LIMS1: variants seen among roughly 807,000 people sequenced by gnomAD.
LIMS1 encodes the protein LIM zinc finger domain containing 1.
Under a neutral mutation model 44.1 loss-of-function variants are expected in LIMS1, and 18 were observed. That is an observed-to-expected ratio of 0.41 (90% CI 0.28 to 0.61). The LOEUF is 0.61. LIMS1 is among the 20% of genes least tolerant of loss of function. The pLI is 0.32. For missense variants in LIMS1, 201 were observed against 422.0 expected (o/e 0.48, Z 4.59); for synonymous variants, 93 against 149.1 (o/e 0.62, Z 2.74).
intron 2 of LIMS1, among the ~76,000 whole-genome samples, chr2:108,664,987 T>G (rs1295372018): frequency 6.6e-6 from 1 of 152,212 alleles, no homozygotes; most frequent in African/African-American, 2.4e-5. Flanking sequence ...CTTACTATCA[T>G]TAATTGCTCC....
intron 1 of LIMS1, among the ~76,000 whole-genome samples, chr2:108,540,938 G>A (rs905793735): frequency 6.6e-6 from 1 of 152,184 alleles, no homozygotes; most frequent in East Asian, 1.9e-4. Flanking sequence ...CTACAGTATA[G>A]AGTAAATACC....
At chr2:108,628,083 G>A (rs1216803612) in intron 1 of LIMS1, among the ~76,000 whole-genome samples, 1 of 152,238 alleles carries the variant, frequency 6.6e-6, no homozygotes, top group Non-Finnish European at 1.5e-5. Flanking sequence ...CTGCAGTGCT[G>A]AGTGTTCTTG....
At chr2:108,570,455 T>C (rs1685445398) in intron 1 of LIMS1, among the ~76,000 whole-genome samples, 1 of 152,058 alleles carries the variant, frequency 6.6e-6, no homozygotes, top group Admixed American at 6.6e-5. Flanking sequence ...TACTATATTC[T>C]CTTTGGCTAT....
intron 1 of LIMS1, among the ~76,000 whole-genome samples, chr2:108,536,553 A>G (rs1000852075): frequency 1.3e-5 from 2 of 152,216 alleles, no homozygotes; most frequent in African/African-American, 4.8e-5. Context: ...CTATTAAGAA[A>G]GCTACTACGA....
At chr2:108,625,235 T>TA (rs1328136610) in intron 1 of LIMS1, among the ~76,000 whole-genome samples, 9 of 152,308 alleles carry the variant, frequency 5.9e-5, no homozygotes, top group African/African-American at 2.2e-4. Flanking sequence ...ACATGTGAAA[T>TA]ATATGAAATT....
At chr2:108,588,420 T>A in intron 1 of LIMS1, 2 of 985,396 alleles carry the variant, frequency 2.0e-6, no homozygotes, top group East Asian at 1.1e-4. Flanking sequence ...TCCCAAGCCC[T>A]GATAAGTAAG....
intron 1 of LIMS1, among the ~76,000 whole-genome samples, chr2:108,561,093 C>G (rs1185217686): frequency 6.6e-6 from 1 of 152,204 alleles, no homozygotes; most frequent in Non-Finnish European, 1.5e-5. Flanking sequence ...AGTGCAAACA[C>G]CAGTACAGAC....
chr2:108,536,268 A>T lies in LIMS1; in HGVS notation c.32+1674A>T, dbSNP rs367802573. 6.1e-3 allele frequency among the ~76,000 whole-genome samples: 930 copies of T among 152,304 alleles called. 8 individuals carry two copies. The highest frequency in any genetic ancestry group is 0.015 in the South Asian group (73 of 4,820). On this transcript the variant is annotated intron_variant, in intron 1 of 9. Coordinates refer to ENST00000544547, the Ensembl canonical transcript of LIMS1. ...ATCCGTAACCATCATACATGTCCAG[A>T]AATCTTTATCTTACAAAACTGAAAC... is the stretch of plus-strand genomic sequence containing the variant.
chr2:108,680,716 C>T, exon 9 of LIMS1: 1 of 1,610,470 alleles, frequency 6.2e-7, no homozygotes, highest in Non-Finnish European at 8.5e-7. Flanking sequence ...CTTAATAAGG[C>T]CTGGTGCGTG....
chr2:108,685,585 C>A (rs1693256483), exon 10 of LIMS1: 1 of 152,086 alleles, frequency 6.6e-6, no homozygotes, highest in African/African-American at 2.4e-5. Flanking sequence ...TTTTCAGATA[C>A]CCTACAACCA....
At chr2:108,642,939 G>A (rs1308557323) in intron 1 of LIMS1, among the ~76,000 whole-genome samples, 2 of 152,180 alleles carry the variant, frequency 1.3e-5, no homozygotes, top group East Asian at 1.9e-4. Flanking sequence ...GTGAGTGGGG[G>A]CCCTTAACCA....
chr2:108,625,962 G>C (rs1486435335), intron 1 of LIMS1, among the ~76,000 whole-genome samples: 1 of 152,154 alleles, frequency 6.6e-6, no homozygotes, highest in Non-Finnish European at 1.5e-5. Flanking sequence ...TATAGGCCAG[G>C]CACTGCATTA....
At position 108,630,140 on chromosome 2, in the gene LIMS1, G is replaced by A. The variant is rs191390095; in HGVS notation, c.33-29465G>A. ...GCCTGGGAGGTTAGGCTATAGTGAG[G>A]TGAGATCATACCATTGTACTCCAGC... On this transcript the variant is annotated intron_variant, in intron 1 of 9. Coordinates refer to ENST00000544547, the Ensembl canonical transcript of LIMS1. Among the ~76,000 whole-genome samples, 51 of 148,442 alleles carry A rather than the reference G, an allele frequency of 3.4e-4. 1 individual carries two copies. The highest frequency in any genetic ancestry group is 1.1e-3 in the Admixed American group (16 of 14,668).
At chr2:108,604,987 C>T (rs925409225) in intron 1 of LIMS1, among the ~76,000 whole-genome samples, 1 of 152,230 alleles carries the variant, frequency 6.6e-6, no homozygotes, top group Non-Finnish European at 1.5e-5. Context: ...CTTGCTCCCT[C>T]TTGAGAATCT....
At chr2:108,583,039 T>G (rs966125904) in intron 1 of LIMS1, among the ~76,000 whole-genome samples, 1 of 151,958 alleles carries the variant, frequency 6.6e-6, no homozygotes, top group African/African-American at 2.4e-5. Context: ...GTTGTTTTTT[T>G]GTTTTGTTTT....
At chr2:108,624,379 C>G (rs1436240520) in intron 1 of LIMS1, among the ~76,000 whole-genome samples, 1 of 152,172 alleles carries the variant, frequency 6.6e-6, no homozygotes, top group East Asian at 1.9e-4. Flanking sequence ...TTTTCTCTGC[C>G]TCAGATAGAA....
At chr2:108,590,403 C>T (rs1347616382) in intron 1 of LIMS1, among the ~76,000 whole-genome samples, 1 of 152,190 alleles carries the variant, frequency 6.6e-6, no homozygotes, top group Non-Finnish European at 1.5e-5. Flanking sequence ...AAAAAGGGTA[C>T]ATGCTTTTTA....
At chr2:108,565,964 G>A (rs1685277491) in intron 1 of LIMS1, among the ~76,000 whole-genome samples, 1 of 152,162 alleles carries the variant, frequency 6.6e-6, no homozygotes, top group African/African-American at 2.4e-5. Flanking sequence ...ACTTAATACT[G>A]TTGCATTGGG....
chr2:108,673,429 C>T (rs1336432931), intron 5 of LIMS1: 1 of 272,608 alleles, frequency 3.7e-6, no homozygotes, highest in South Asian at 3.6e-5. Context: ...GCTCTATTGC[C>T]CAGGCTGAAG....
Sources: allele counts gnomAD v4.1 joint callset (sites outside exome capture counted in the v4.1 genomes callset), GRCh38; gene constraint gnomAD v4.1.1; transcripts MANE v1.5; gene names NCBI Gene and HGNC (gene_info 2026-07-23, HGNC 2026-07-21).